The following NEK4 variants were observed in gnomAD, a reference collection of about 807,000 sequenced individuals.
NEK4 encodes the protein NIMA related kinase 4, also known as serine/threonine-protein kinase Nek4.
NEK4 carries 86 observed loss-of-function variants against 98.4 expected under a neutral mutation model. That is an observed-to-expected ratio of 0.87 (90% confidence interval 0.73 to 1.05). The LOEUF is 1.05. NEK4 is among the 50% of genes least tolerant of loss of function. The probability of loss-of-function intolerance (pLI) is 0.00; values close to 1 mark genes in which losing one functional copy is unlikely to be tolerated. For missense variants in NEK4, 898 were observed against 950.3 expected (o/e 0.94, Z 0.72); for synonymous variants, 328 against 342.2 (o/e 0.96, Z 0.46).
Position 52,743,373 on chromosome 3 carries a change from GGA to G in NEK4, c.1981_1982del (p.Ser661LeufsTer2). 6.2e-7 allele frequency: 1 copy of G among 1,614,030 alleles called. No individual in the cohort carries two copies. The highest frequency in any genetic ancestry group is 8.5e-7 in the Non-Finnish European group (1 of 1,179,914). Reference sequence around the variant, plus strand: ...GCACCTGAGTGACGCTGCAGTCAGAGGAGAGCCGTCGGGCAGGCAAGGGCTGG... The same window carrying G: ...GCACCTGAGTGACGCTGCAGTCAGAGGAGCCGTCGGGCAGGCAAGGGCTGG... Reference protein sequence around the residue: ...EDQPLPARRLSSDCSVTQERK... With the variant: ...EDQPLPARRLXSDCSVTQERK... On this transcript the variant is annotated frameshift_variant, in exon 12 of 16. Coordinates refer to ENST00000233027, the MANE Select transcript of NEK4 (RefSeq NM_003157.6). LOFTEE classifies it high-confidence loss of function.
chr3:52,763,545 C>T lies in NEK4; in HGVS notation c.746G>A (p.Arg249Lys). 6.2e-7 allele frequency: 1 copy of T among 1,614,114 alleles called. No individual in the cohort carries two copies. The highest frequency in any genetic ancestry group is 2.2e-5 in the East Asian group (1 of 44,882). The change falls in exon 5 of 16, where the codon AGG becomes AAG. Residue 249 changes from arginine to lysine, a missense_variant. Transcript: ENST00000233027. Reference sequence around the variant, plus strand: ...CCTCAGGATGCTCCTCACAGACGGCCTTTCTTCAGGCCTTTTGCTCAGCAT... The same window carrying T: ...CCTCAGGATGCTCCTCACAGACGGCTTTTCTTCAGGCCTTTTGCTCAGCAT... ...RTMLSKRPEE[R>K]PSVRSILRQP...
intron 15 of NEK4, 39 bp from the exon 16 acceptor site, chr3:52,711,908 T>C (rs45458298): frequency 0.03 from 34,410 of 1,140,776 alleles, 596 homozygotes; most frequent in Non-Finnish European, 0.036. Context: ...CAGTATGTAG[T>C]AGGAAAAAAT....
At chr3:52,717,953 C>G (rs538102839) in intron 15 of NEK4, among the ~76,000 whole-genome samples, 1 of 151,968 alleles carries the variant, frequency 6.6e-6, no homozygotes, top group African/African-American at 2.4e-5. Context: ...GCCACCACAC[C>G]AGGCTAATTT....
At chr3:52,737,224 G>A (rs950376026) in intron 15 of NEK4, among the ~76,000 whole-genome samples, 2 of 151,756 alleles carry the variant, frequency 1.3e-5, no homozygotes, top group African/African-American at 4.8e-5. Flanking sequence ...GATTACAGGC[G>A]TGAGCCACCA....
In NEK4 at chr3:52,763,524, A is replaced by G. The variant is rs565173568; in HGVS notation, c.767T>C (p.Leu256Pro). ...PEERPSVRSI[L>P]RQPYIKRQIS... ...TTGCCGCTTTATATAAGGCTGCCTCAGGATGCTCCTCACAGACGGCCTTTC... is the reference window on the plus strand; with the variant it reads ...TTGCCGCTTTATATAAGGCTGCCTCGGGATGCTCCTCACAGACGGCCTTTC... The change falls in exon 5 of 16, where the codon CTG becomes CCG. Residue 256 changes from leucine (L) to proline (P), a missense_variant. Leu to Pro is a moderately conservative substitution (Grantham distance 98). Coordinates refer to ENST00000233027, the MANE Select transcript of NEK4 (RefSeq NM_003157.6). 137 of 1,614,168 alleles carry G rather than the reference A, an allele frequency of 8.5e-5. No individual in the cohort carries two copies. In the South Asian group the frequency reaches 1.4e-3, roughly 17 times the overall value.
In NEK4 at chr3:52,710,927, A is replaced by C. The variant is rs1238243500; in HGVS notation, c.*850T>G. ...ACAACTAATAAAATATGTGCTATAT[A>C]ATCATACATTTAAAACATGGAAAGA... On this transcript the variant is annotated 3_prime_UTR_variant, in exon 16 of 16. Transcript: ENST00000233027. 6.6e-6 allele frequency: 1 copy of C among 152,612 alleles called. No individual in the cohort carries two copies. Among genetic ancestry groups the C allele is most frequent in the Non-Finnish European group, 1.5e-5 (1 of 68,044 alleles). 9.5% of individuals were successfully genotyped at this position (152,612 alleles called of 1,614,324 possible).
chr3:52,717,125 G>A (rs544897367), intron 15 of NEK4, among the ~76,000 whole-genome samples: 1 of 151,998 alleles, frequency 6.6e-6, no homozygotes, highest in South Asian at 2.1e-4. Flanking sequence ...ATGGGGCCCA[G>A]GCCAGGTGTG....
chr3:52,712,135 TTGAA>T (rs2097351015), intron 15 of NEK4, among the ~76,000 whole-genome samples: 1 of 152,234 alleles, frequency 6.6e-6, no homozygotes, highest in African/African-American at 2.4e-5. Context: ...AAAGAGTTCT[TTGAA>T]TCAATAAAAC....
At chr3:52,769,963 G>A (rs1698715095) in intron 1 of NEK4, among the ~76,000 whole-genome samples, 1 of 152,304 alleles carries the variant, frequency 6.6e-6, no homozygotes, top group South Asian at 2.1e-4. Context: ...GACCAGTTGG[G>A]AAACCGTGGC....
chr3:52,717,903 C>T (rs959571871), intron 15 of NEK4, among the ~76,000 whole-genome samples: 1 of 151,994 alleles, frequency 6.6e-6, no homozygotes, highest in African/African-American at 2.4e-5. Context: ...AAGCAATTCT[C>T]ATGCCTCAGC....
At chr3:52,768,675 G>T (rs988683030) in intron 1 of NEK4, 71 bp from the exon 2 acceptor site, 1 of 1,477,618 alleles carries the variant, frequency 6.8e-7, no homozygotes, top group African/African-American at 1.4e-5. Context: ...GTTATCTAAG[G>T]GCTCTCAAGA....
chr3:52,716,969 C>G (rs1342119541), intron 15 of NEK4, among the ~76,000 whole-genome samples: 4 of 152,204 alleles, frequency 2.6e-5, no homozygotes, highest in Non-Finnish European at 4.4e-5. Flanking sequence ...CTTGGGAGGG[C>G]AGGCCATTGG....
At chr3:52,770,588 A>G in intron 1 of NEK4, 66 bp downstream of exon 1, 3 of 1,250,610 alleles carry the variant, frequency 2.4e-6, no homozygotes, top group Non-Finnish European at 2.2e-6. Context: ...GACCTAATCT[A>G]CCGGTCGGCG....
rs1578708603 is a variant in NEK4, at chr3:52,766,286, T to G, written c.450A>C (p.Leu150=). Residue 150 remains leucine, a synonymous_variant, in exon 3 of 16, where the codon CTA becomes CTC. Coordinates refer to ENST00000233027, the MANE Select transcript of NEK4 (RefSeq NM_003157.6). ...GGTTCTCTAACACTCGGGCAATTCCTAGGTCCCCTACTTTGATGATGTTTG... is the reference window on the plus strand; with the variant it reads ...GGTTCTCTAACACTCGGGCAATTCCGAGGTCCCCTACTTTGATGATGTTTG... ...TRTNIIKVGD[L]GIARVLENHC... is the part of the protein sequence containing the mutation. 1 of 1,613,936 alleles carries G rather than the reference T, an allele frequency of 6.2e-7. No homozygotes were observed. The highest frequency in any genetic ancestry group is 1.7e-5 in the Admixed American group (1 of 59,998).
chr3:52,712,771 C>T (rs982275916), intron 15 of NEK4, among the ~76,000 whole-genome samples: 1 of 152,224 alleles, frequency 6.6e-6, no homozygotes, highest in Non-Finnish European at 1.5e-5. Flanking sequence ...GGCATGCTGG[C>T]ATCTGTCAGT....
At chr3:52,753,631 G>A in intron 6 of NEK4, 1 of 586,128 alleles carries the variant, frequency 1.7e-6, no homozygotes, top group Non-Finnish European at 3.4e-6. Flanking sequence ...CTATGCCAAA[G>A]AAACAGCTGC....
rs142633896 is a variant in NEK4 at position 52,711,787 on chromosome 3, A to G, written c.2516T>C (p.Met839Thr). 1.3e-5 allele frequency: 21 copies of G among 1,604,222 alleles called. No homozygotes were observed. The highest frequency in any genetic ancestry group is 1.8e-5 in the Non-Finnish European group (21 of 1,172,036). The change falls in exon 16 of 16, where the codon ATG becomes ACG. Residue 839 changes from methionine to threonine, a missense_variant. Transcript: ENST00000233027. ...GATTAGGACAAATGCTCAAAAATTCATGTTTTCTTCAAAAAATTTCAACTG... is the reference window on the plus strand; with the variant it reads ...GATTAGGACAAATGCTCAAAAATTCGTGTTTTCTTCAAAAAATTTCAACTG... ...ARQLKFFEEN[M>T]NF
rs2097350417 is a variant in NEK4, at chr3:52,711,559, AAG to A, written c.*216_*217del. The A allele has an allele frequency of 2.6e-6, 1 of 387,922 alleles. No homozygotes were observed. Among genetic ancestry groups the A allele is most frequent in the Non-Finnish European group, 4.6e-6 (1 of 217,700 alleles). 24.0% of individuals were successfully genotyped at this position (387,922 alleles called of 1,614,324 possible). A position where few individuals can be genotyped will look rare whatever the true frequency, so the allele number is the denominator to read the frequency against. On this transcript the variant is annotated 3_prime_UTR_variant, in exon 16 of 16. Transcript: ENST00000233027. ...AACAAACAACAGATTTGTCCTCACA[AAG>A]AGAATATGAAAGCCAAAGTTTTTTT... is the stretch of plus-strand genomic sequence containing the variant.
chr3:52,718,783 C>T (rs558398716), intron 15 of NEK4, among the ~76,000 whole-genome samples: 3 of 152,228 alleles, frequency 2.0e-5, no homozygotes, highest in South Asian at 4.2e-4. Flanking sequence ...GACGGAGTTC[C>T]GCTCTCGTTG....
Sources: allele counts gnomAD v4.1 joint callset (sites outside exome capture counted in the v4.1 genomes callset), GRCh38; gene constraint gnomAD v4.1.1; transcripts MANE v1.5; gene names NCBI Gene and HGNC (gene_info 2026-07-23, HGNC 2026-07-21).